The following PKD1 variants were observed in gnomAD, a reference collection of about 807,000 sequenced individuals.
PKD1 encodes polycystin-1.
A neutral mutation model predicts 361.7 loss-of-function variants in PKD1; 81 were observed. That is an observed-to-expected ratio of 0.22 (90% CI 0.19 to 0.27). PKD1 has a LOEUF of 0.27. PKD1 is among the 10% of genes least tolerant of loss of function. The pLI, the probability that PKD1 is intolerant of heterozygous loss-of-function variation, is 1.00. For synonymous variants in PKD1, 3,615 were observed against 2,818.3 expected, an observed-to-expected ratio of 1.28 and a Z score of -8.95; for missense variants, 6,399 against 6,118.3, an observed-to-expected ratio of 1.05 and a Z score of -1.53.
chr16:2,121,251 G>C (rs1182953948), intron 1 of PKD1, among the ~76,000 whole-genome samples: 1 of 151,882 alleles, frequency 6.6e-6, no homozygotes, highest in East Asian at 1.9e-4. Context: ...TGTAATTCCA[G>C]CTACTCAGGA....
At position 2,110,894 on chromosome 16, in the gene PKD1, G is replaced by A. The variant is rs773227281; in HGVS notation, c.4273C>T (p.Arg1425Cys). 38 of 1,611,506 alleles carry A rather than the reference G, an allele frequency of 2.4e-5. No individual in the cohort carries two copies. The highest frequency in any genetic ancestry group is 2.2e-4 in the East Asian group (10 of 44,890). Residue 1425 changes from arginine (R) to cysteine (C), a missense_variant, in exon 15 of 46, where the codon CGT becomes TGT. Coordinates refer to ENST00000262304, the MANE Select transcript of PKD1 (RefSeq NM_001009944.3). ...AACGTCACCTCAGGGCCCCTGGCAC[G>A]GGTGGGGGCGGCTTCCTCGGTGCCA... ...DFGTEEAAPT[R>C]ARGPEVTFIY...
At chr16:2,115,757 C>T in intron 9 of PKD1, 132 bp from the exon 10 acceptor site, 6 of 1,032,680 alleles carry the variant, frequency 5.8e-6, no homozygotes, top group Non-Finnish European at 7.1e-6. Flanking sequence ...ACTCCCAGCC[C>T]AGTGCTGCGT....
At position 2,090,428 on chromosome 16, in the gene PKD1, G is replaced by A. The variant is rs373788974; in HGVS notation, c.12301C>T (p.Leu4101=). ...WALRLWGALR[L]GAVILRWRYH... The stretch of plus-strand genomic sequence containing the variant: ...CGCCAGCGGAGAATAACAGCCCCCA[G>A]CCGTAGGGCGCCCCACAGCCGCAGT... The change falls in exon 45 of 46, where the codon CTG becomes TTG. Residue 4101 remains leucine, a synonymous_variant. Transcript: ENST00000262304. 1 of 1,612,556 alleles carries A rather than the reference G, an allele frequency of 6.2e-7. No individual in the cohort carries two copies. The highest frequency in any genetic ancestry group is 2.2e-5 in the East Asian group (1 of 44,876).
rs896584910 is a variant in PKD1, at chr16:2,118,557, G to A, written c.530-95C>T. On this transcript the variant is annotated intron_variant, in intron 4 of 45. Coordinates refer to ENST00000262304, the MANE Select transcript of PKD1 (RefSeq NM_001009944.3). The surrounding 1 kb of genome is among the most constrained non-coding windows in gnomAD (Gnocchi z 6.0). ...CGCCGCACTCACAGGCTCCCATGCT[G>A]TTCCCTTGGCCCGGAGGCCCCCCCC... The A allele has an allele frequency of 3.5e-6, 4 of 1,146,066 alleles. No individual in the cohort carries two copies. Among genetic ancestry groups the A allele is most frequent in the Non-Finnish European group, 5.0e-6 (4 of 792,800 alleles). The allele number at this position is 1,146,066 out of a possible 1,614,324, so 71.0% of individuals were successfully genotyped here. A position where few individuals can be genotyped will look rare whatever the true frequency, so the allele number is the denominator to read the frequency against.
rs1342185207 is a variant in PKD1, at chr16:2,100,731, T to A, written c.9398-165A>T. 6.4e-6 allele frequency: 4 copies of A among 622,398 alleles called. No individual in the cohort carries two copies. In the African/African-American group the frequency reaches 7.3e-5, roughly 11 times the overall value. 38.6% of individuals were successfully genotyped at this position (622,398 alleles called of 1,614,324 possible). ...CACAAGGAGCTGCGGTTACTGCAATTTGTCCAATTAACAGCAGGACCTCAA... is the reference window on the plus strand; with the variant it reads ...CACAAGGAGCTGCGGTTACTGCAATATGTCCAATTAACAGCAGGACCTCAA... On this transcript the variant is annotated intron_variant, in intron 26 of 45. Transcript: ENST00000262304. The surrounding 1 kb of genome is among the most constrained non-coding windows in gnomAD (Gnocchi z 4.4).
intron 37 of PKD1, chr16:2,093,314 G>A (rs1357710715): frequency 4.4e-6 from 3 of 674,364 alleles, no homozygotes; most frequent in East Asian, 2.7e-5. Context: ...GGTGCTTAGG[G>A]GCCTTCAGGG....
chr16:2,100,432 T>C lies in PKD1; in HGVS notation c.9532A>G (p.Ser3178Gly), dbSNP rs576381756. The C allele has an allele frequency of 1.2e-6, 2 of 1,611,070 alleles. No homozygotes were observed. Among genetic ancestry groups the C allele is most frequent in the African/African-American group, 1.3e-5 (1 of 74,976 alleles). ...FRIATPHSLGSVWKIRVWHDN... is the reference protein window; with the variant it reads ...FRIATPHSLGGVWKIRVWHDN... Reference sequence around the variant, plus strand: ...TGCCACACTCGGATCTTCCACACGCTACCCAGGCTGTGCGGGGTGGCGATC... The same window carrying C: ...TGCCACACTCGGATCTTCCACACGCCACCCAGGCTGTGCGGGGTGGCGATC... The change falls in exon 27 of 46, where the codon AGC (serine) becomes GGC (glycine). Residue 3178 changes from serine to glycine, a missense_variant. Ser to Gly is a moderately conservative substitution (Grantham distance 56). Transcript: ENST00000262304. The surrounding 1 kb of genome is among the most constrained non-coding windows in gnomAD (Gnocchi z 4.4).
rs1218869713 is a variant in PKD1 at position 2,093,188 on chromosome 16, G to A, written c.11017-95C>T. ...CTGGAGCCATGGCTGCGGCAGGTGT[G>A]GCTGCAGGAAGGTGAGCTGGCAGGG... On this transcript the variant is annotated intron_variant, in intron 37 of 45. Coordinates refer to ENST00000262304, the MANE Select transcript of PKD1 (RefSeq NM_001009944.3). 11 of 1,473,716 alleles carry A rather than the reference G, an allele frequency of 7.5e-6. No homozygotes were observed. The South Asian group carries it at 1.1e-4, about 15-fold the overall frequency. 91.3% of individuals were successfully genotyped at this position (1,473,716 alleles called of 1,614,324 possible).
chr16:2,092,352 G>T, intron 39 of PKD1, 128 bp downstream of exon 39: 3 of 979,190 alleles, frequency 3.1e-6, no homozygotes, highest in Non-Finnish European at 3.1e-6. Context: ...TACAGAGAAG[G>T]AAACGGCGGT....
At chr16:2,093,397 G>A in intron 37 of PKD1, 147 bp downstream of exon 37, 1 of 814,682 alleles carries the variant, frequency 1.2e-6, no homozygotes, top group Non-Finnish European at 1.9e-6. Flanking sequence ...TGGGGTAGGA[G>A]GGAGACCGGG....
intron 37 of PKD1, 147 bp from the exon 38 acceptor site, chr16:2,093,240 G>T: frequency 1.1e-6 from 1 of 940,966 alleles, no homozygotes; most frequent in Non-Finnish European, 1.7e-6. Context: ...ACCTGGCCAG[G>T]GTAATGGCAG....
At chr16:2,091,735 T>C (rs2091592295) in intron 41 of PKD1, 46 bp downstream of exon 41, 1 of 1,602,564 alleles carries the variant, frequency 6.2e-7, no homozygotes, top group Non-Finnish European at 8.5e-7. Flanking sequence ...GGCTCCTGGC[T>C]GGTGACTGCG....
intron 1 of PKD1, among the ~76,000 whole-genome samples, chr16:2,127,478 C>A (rs1029870803): frequency 1.8e-4 from 28 of 152,346 alleles, no homozygotes; most frequent in African/African-American, 6.7e-4. Context: ...CCAGGCTGCA[C>A]TGGCTCCCGT....
At position 2,100,799 on chromosome 16, in the gene PKD1, T is replaced by G; in HGVS notation, c.9398-233A>C. 1 of 574,316 alleles carries G rather than the reference T, an allele frequency of 1.7e-6. No homozygotes were observed. Among genetic ancestry groups the G allele is most frequent in the East Asian group, 2.9e-5 (1 of 34,136 alleles). The allele number at this position is 574,316 out of a possible 1,614,324, so 35.6% of individuals were successfully genotyped here. On this transcript the variant is annotated intron_variant, in intron 26 of 45. Coordinates refer to ENST00000262304, the MANE Select transcript of PKD1 (RefSeq NM_001009944.3). This position sits in a 1 kb window ranked among gnomAD's most constrained non-coding sequence, Gnocchi z 4.4. ...ATGGAAAGAACTGTAACTTGTGACA[T>G]GCAAACATGGCTGCACACGCCTCAG...
Position 2,099,975 on chromosome 16 carries a change from G to C in PKD1, c.9809C>G (p.Pro3270Arg). ...GATGCGAGTGAAACGGCTACGAGGC[G>C]GCCGGTCCCATATGGAGAGCCAGAT... ...KHIWLSIWDR[P>R]PRSRFTRIQR... Residue 3270 changes from proline to arginine, a missense_variant, in exon 29 of 46, where the codon CCG becomes CGG. Pro to Arg is a moderately radical substitution (Grantham distance 103, BLOSUM62 -2). Transcript: ENST00000262304. 1.3e-6 allele frequency: 2 copies of C among 1,563,302 alleles called. No individual in the cohort carries two copies. The highest frequency in any genetic ancestry group is 1.7e-6 in the Non-Finnish European group (2 of 1,155,430).
In PKD1 at chr16:2,111,161, T is replaced by C. The variant is rs745381642; in HGVS notation, c.4006A>G (p.Asn1336Asp). Residue 1336 changes from asparagine to aspartate, a missense_variant, in exon 15 of 46, where the codon AAC (asparagine) becomes GAC (aspartate). Physicochemically the swap from Asn to Asp is conservative, Grantham distance 23 (BLOSUM62 1). Coordinates refer to ENST00000262304, the MANE Select transcript of PKD1 (RefSeq NM_001009944.3). ...GTCGGGCACCCCCGCACGGTCGTGTTGGAGGAGCCATCCCCGAAGGTCCAG... is the reference window on the plus strand; with the variant it reads ...GTCGGGCACCCCCGCACGGTCGTGTCGGAGGAGCCATCCCCGAAGGTCCAG... ...FDWTFGDGSS[N>D]TTVRGCPTVT... 1 of 1,611,260 alleles carries C rather than the reference T, an allele frequency of 6.2e-7. No homozygotes were observed. Among genetic ancestry groups the C allele is most frequent in the Admixed American group, 1.7e-5 (1 of 59,996 alleles).
Position 2,112,510 on chromosome 16 carries a change from C to G in PKD1, c.3162-37G>C, listed in dbSNP as rs915758636. On this transcript the variant is annotated intron_variant, in intron 13 of 45. Transcript: ENST00000262304. ...GTGGGACGCAGTGAGTGAACCGGGA[C>G]AGGGGTGGGCGGTGGCGGGGCAGGG... The G allele has an allele frequency of 6.4e-6, 10 of 1,573,668 alleles. No homozygotes were observed. In the Admixed American group the frequency reaches 1.2e-4, roughly 19 times the overall value.
chr16:2,097,529 T>C, intron 32 of PKD1, 26 bp from the exon 33 acceptor site: 2 of 1,601,946 alleles, frequency 1.2e-6, no homozygotes, highest in Non-Finnish European at 1.7e-6. Flanking sequence ...GTCAGCAAGG[T>C]ACCAGGGGAT....
Position 2,091,082 on chromosome 16 carries a change from G to A in PKD1, c.11805C>T (p.Ala3935=). 5 of 1,509,842 alleles carry A rather than the reference G, an allele frequency of 3.3e-6. No homozygotes were observed. Among genetic ancestry groups the A allele is most frequent in the African/African-American group, 1.4e-5 (1 of 70,522 alleles). The allele number at this position is 1,509,842 out of a possible 1,614,324, so 93.5% of individuals were successfully genotyped here. The change falls in exon 43 of 46, where the codon GCC becomes GCT. Residue 3935 remains alanine (A), a synonymous_variant. Coordinates refer to ENST00000262304, the MANE Select transcript of PKD1 (RefSeq NM_001009944.3). ...GCGCCACCAGCAGCCACCGCGCCCAGGCTCCGAGCCGCAGCACGCGCCAGC... is the reference window on the plus strand; with the variant it reads ...GCGCCACCAGCAGCCACCGCGCCCAAGCTCCGAGCCGCAGCACGCGCCAGC... ...EGRWRVLRLG[A]WARWLLVALT...
Sources: gnomAD v4.1 joint callset for allele counts (sites outside exome capture counted in the v4.1 genomes callset) on GRCh38, gnomAD v4.1.1 for gene constraint, Gnocchi (gnomAD v3.1) non-coding constraint, MANE v1.5 for transcripts, NCBI Gene and HGNC (gene_info 2026-07-23, HGNC 2026-07-21) for gene names.